SAMSN1: variants seen among roughly 807,000 people sequenced by gnomAD.
The protein encoded by SAMSN1 is SAM domain, SH3 domain and nuclear localization signals 1, also known as SAM domain-containing protein SAMSN-1.
In SAMSN1, 31 loss-of-function variants were observed where a neutral mutation model predicts 42.0. The ratio of observed to expected loss-of-function variants is 0.74; its 90% CI spans 0.55 to 1.00. The LOEUF (loss-of-function observed/expected upper bound fraction) is 1.00. Among genes scored for constraint, SAMSN1 ranks in the 50% least tolerant of loss-of-function variants. The probability of loss-of-function intolerance (pLI) is 0.00; values close to 1 mark genes in which losing one functional copy is unlikely to be tolerated. For missense variants in SAMSN1, 464 were observed against 439.4 expected (o/e 1.06, Z -0.50); for synonymous variants, 178 against 151.9 (o/e 1.17, Z -1.26).
chr21:14,585,207 T>G (rs2822798), upstream of SAMSN1, among the ~76,000 whole-genome samples: 15,279 of 152,176 alleles, frequency 0.1, 2,001 homozygotes, highest in African/African-American at 0.3. Flanking sequence ...AGTGTTTCTT[T>G]TAGTGCTTTC....
intron 2 of SAMSN1, among the ~76,000 whole-genome samples, chr21:14,555,184 A>C (rs1980724303): frequency 6.6e-6 from 1 of 152,142 alleles, no homozygotes; most frequent in Non-Finnish European, 1.5e-5. Flanking sequence ...GACTCATTTC[A>C]TTGCAGCCTC....
At chr21:14,658,919 C>T (rs1983957279), upstream of SAMSN1, 1 of 619,448 alleles carries the variant, frequency 1.6e-6, no homozygotes, top group African/African-American at 1.9e-5. Context: ...GATTCAGAGA[C>T]CATTATCAAA....
intron 5 of SAMSN1, among the ~76,000 whole-genome samples, chr21:14,608,246 C>T (rs1018506588): frequency 6.6e-6 from 1 of 152,200 alleles, no homozygotes; most frequent in African/African-American, 2.4e-5. Flanking sequence ...CTGACTCCAC[C>T]CTCCTCCTCT....
chr21:14,603,046 A>G (rs1982475996), intron 5 of SAMSN1, among the ~76,000 whole-genome samples: 1 of 152,216 alleles, frequency 6.6e-6, no homozygotes, highest in African/African-American at 2.4e-5. Context: ...AGAATTCCAG[A>G]AAGTACCTAA....
chr21:14,583,698 C>T (rs1466981582), upstream of SAMSN1: 2 of 717,430 alleles, frequency 2.8e-6, no homozygotes, highest in Non-Finnish European at 5.2e-6. Context: ...TGCACTCTGG[C>T]TTTCTTAGTC....
chr21:14,597,326 T>C (rs1463721347), intron 6 of SAMSN1, among the ~76,000 whole-genome samples: 1 of 152,132 alleles, frequency 6.6e-6, no homozygotes, highest in Non-Finnish European at 1.5e-5. Flanking sequence ...TCTACACGCA[T>C]CTCCCAAAAA....
intron 1 of SAMSN1, among the ~76,000 whole-genome samples, chr21:14,541,987 G>A (rs1473452656): frequency 2.8e-5 from 4 of 141,502 alleles, no homozygotes; most frequent in Non-Finnish European, 1.5e-5. Context: ...ATGAGACCCT[G>A]AAAAAAAAAA....
intron 7 of SAMSN1, among the ~76,000 whole-genome samples, chr21:14,490,641 C>T (rs924276725): frequency 1.3e-5 from 2 of 152,120 alleles, no homozygotes; most frequent in Non-Finnish European, 2.9e-5. Flanking sequence ...ATTTGGTGTT[C>T]ATTTCACTTG....
At chr21:14,609,946 TC>T (rs1244637595) in intron 4 of SAMSN1, among the ~76,000 whole-genome samples, 2 of 152,214 alleles carry the variant, frequency 1.3e-5, no homozygotes, top group African/African-American at 2.4e-5. Context: ...TACTTTAATC[TC>T]TTAATCCTGT....
chr21:14,635,259 GA>G (rs1229482456), intron 2 of SAMSN1, among the ~76,000 whole-genome samples: 2 of 152,098 alleles, frequency 1.3e-5, no homozygotes, highest in Non-Finnish European at 2.9e-5. Flanking sequence ...ATGATGGGTT[GA>G]TAGGTGCTGC....
chr21:14,633,460 A>T (rs1326817853), intron 2 of SAMSN1, among the ~76,000 whole-genome samples: 1 of 152,208 alleles, frequency 6.6e-6, no homozygotes, highest in Non-Finnish European at 1.5e-5. Context: ...AGAGGTAAAA[A>T]CTGGGTTCTG....
At chr21:14,593,295 G>A (rs139261734) in intron 7 of SAMSN1, among the ~76,000 whole-genome samples, 2 of 152,190 alleles carry the variant, frequency 1.3e-5, no homozygotes, top group African/African-American at 4.8e-5. Flanking sequence ...GGTCAAATAA[G>A]TTGCAAACAT....
intron 2 of SAMSN1, among the ~76,000 whole-genome samples, chr21:14,628,212 G>A (rs1219765294): frequency 6.6e-6 from 1 of 152,024 alleles, no homozygotes; most frequent in Non-Finnish European, 1.5e-5. Context: ...ATAACTTCTA[G>A]TGTTCCATAG....
chr21:14,654,428 TAA>T (rs1235857320), intron 1 of SAMSN1, among the ~76,000 whole-genome samples: 3 of 151,992 alleles, frequency 2.0e-5, no homozygotes, highest in Non-Finnish European at 4.4e-5. Flanking sequence ...TGAGTGAAAC[TAA>T]AGTTTTAGAC....
chr21:14,525,857 A>G (rs1978815055), intron 1 of SAMSN1, among the ~76,000 whole-genome samples: 2 of 152,106 alleles, frequency 1.3e-5, no homozygotes, highest in African/African-American at 4.8e-5. Context: ...TGGTCTCATA[A>G]CTTTATTTAT....
intron 2 of SAMSN1, among the ~76,000 whole-genome samples, chr21:14,565,955 A>G (rs936943204): frequency 2.0e-5 from 3 of 152,240 alleles, no homozygotes; most frequent in Admixed American, 6.5e-5. Context: ...CTTGACAATG[A>G]AAATAACAGG....
chr21:14,575,582 G>A (rs115510369), intron 2 of SAMSN1, among the ~76,000 whole-genome samples: 149 of 152,230 alleles, frequency 9.8e-4, no homozygotes, highest in African/African-American at 3.3e-3. Flanking sequence ...GATTTTTGAC[G>A]TTGGAGATGA....
At chr21:14,528,261 T>G (rs369195154) in intron 1 of SAMSN1, among the ~76,000 whole-genome samples, 7 of 152,262 alleles carry the variant, frequency 4.6e-5, no homozygotes, top group African/African-American at 1.7e-4. Flanking sequence ...TCCTTCTTTC[T>G]CTTCTTCTCT....
intron 2 of SAMSN1, among the ~76,000 whole-genome samples, chr21:14,579,440 A>G (rs529299147): frequency 1.4e-4 from 21 of 152,262 alleles, no homozygotes; most frequent in African/African-American, 5.1e-4. Flanking sequence ...TGTACAAAAT[A>G]ATTTATCTAT....
Sources: allele counts gnomAD v4.1 joint callset (sites outside exome capture counted in the v4.1 genomes callset), GRCh38; gene constraint gnomAD v4.1.1; transcripts MANE v1.5; gene names NCBI Gene and HGNC (gene_info 2026-07-23, HGNC 2026-07-21).